The following NTMT1 variants were observed in gnomAD, a reference collection of about 807,000 sequenced individuals.
NTMT1 encodes N-terminal RCC1 methyltransferase.
A neutral mutation model predicts 17.5 loss-of-function variants in NTMT1; 8 were observed. That is an observed-to-expected ratio of 0.46 (90% CI 0.27 to 0.82). The LOEUF (loss-of-function observed/expected upper bound fraction) is 0.82, where lower values mean the gene tolerates loss of function less well. Among genes scored for constraint, NTMT1 ranks in the 40% least tolerant of loss-of-function variants. The pLI, the probability that NTMT1 is intolerant of heterozygous loss-of-function variation, is 0.15. For missense variants in NTMT1, 221 were observed against 303.5 expected, an observed-to-expected ratio of 0.73 and a Z score of 2.02; for synonymous variants, 128 against 126.8, an observed-to-expected ratio of 1.01 and a Z score of -0.06.
Position 129,613,279 on chromosome 9 carries a change from C to T in NTMT1, c.-55+4101C>T. ...GGGGGAGACAGGACCCCATGAGCTTCCTGGACTCTGAGTCCCCGGCCCACC... is the reference window on the plus strand; with the variant it reads ...GGGGGAGACAGGACCCCATGAGCTTTCTGGACTCTGAGTCCCCGGCCCACC... On this transcript the variant is annotated intron_variant, in intron 1 of 3. Transcript: ENST00000372486. The surrounding 1 kb of genome is among the most constrained non-coding windows in gnomAD (Gnocchi z 6.2). The T allele has an allele frequency of 1.3e-6, 2 of 1,582,322 alleles. No homozygotes were observed. The highest frequency in any genetic ancestry group is 1.7e-6 in the Non-Finnish European group (2 of 1,162,274).
At position 129,613,555 on chromosome 9, in the gene NTMT1, A is replaced by G; in HGVS notation, c.-55+4377A>G. 1 of 1,614,170 alleles carries G rather than the reference A, an allele frequency of 6.2e-7. No homozygotes were observed. Among genetic ancestry groups the G allele is most frequent in the Non-Finnish European group, 8.5e-7 (1 of 1,180,016 alleles). On this transcript the variant is annotated intron_variant, in intron 1 of 3. Coordinates refer to the NTMT1 transcript ENST00000372486. The surrounding 1 kb of genome is among the most constrained non-coding windows in gnomAD (Gnocchi z 6.2). ...ACTCCCAAACACCCGCTCGGACGCC[A>G]CTGGCAGGGCGGCCTTCTGGTTCAC...
Position 129,635,431 on chromosome 9 carries a change from G to C in NTMT1, c.639G>C (p.Glu213Asp), listed in dbSNP as rs1473218664. Reference sequence around the variant, plus strand: ...AGAGGCAGGAGAACCTCCCCGATGAGATCTACCATGTCTATAGCTTTGCCC... The same window carrying C: ...AGAGGCAGGAGAACCTCCCCGATGACATCTACCATGTCTATAGCTTTGCCC... ...AEERQENLPD[E>D]IYHVYSFALR Residue 213 changes from glutamate to aspartate, a missense_variant, in exon 4 of 4, where the codon GAG becomes GAC. Physicochemically the swap from Glu to Asp is conservative, Grantham distance 45. Coordinates refer to ENST00000372483, the MANE Select transcript of NTMT1 (RefSeq NM_014064.4). 6.2e-7 allele frequency: 1 copy of C among 1,613,260 alleles called. No individual in the cohort carries two copies. Among genetic ancestry groups the C allele is most frequent in the Non-Finnish European group, 8.5e-7 (1 of 1,180,024 alleles).
rs755270471 is a variant in NTMT1, at chr9:129,632,840, G to A, written c.137G>A (p.Arg46Gln). Residue 46 changes from arginine to glutamine, a missense_variant, in exon 2 of 4, where the codon CGG becomes CAG. Physicochemically the swap from Arg to Gln is conservative, Grantham distance 43. Transcript: ENST00000372483. ...TCCAGCATCGACATCAACAGCTCCCGGAAGTTTCTGCAGAGGTTTTTGAGG... is the reference window on the plus strand; with the variant it reads ...TCCAGCATCGACATCAACAGCTCCCAGAAGTTTCTGCAGAGGTTTTTGAGG... ...HISSIDINSS[R>Q]KFLQRFLREG... 42 of 1,614,032 alleles carry A rather than the reference G, an allele frequency of 2.6e-5. No homozygotes were observed. The highest frequency in any genetic ancestry group is 2.2e-5 in the East Asian group (1 of 44,902).
At position 129,636,087 on chromosome 9, in the gene NTMT1, G is replaced by A. The variant is rs1831537674; in HGVS notation, c.*623G>A. ...GGCTGCTCCTTGGCAGGCATTTAAAGTAAAAAATAAAATGGGGCTGGGCGC... is the reference window on the plus strand; with the variant it reads ...GGCTGCTCCTTGGCAGGCATTTAAAATAAAAAATAAAATGGGGCTGGGCGC... On this transcript the variant is annotated 3_prime_UTR_variant, in exon 4 of 4. Transcript: ENST00000372483. 1 of 152,304 alleles carries A rather than the reference G, an allele frequency of 6.6e-6. No homozygotes were observed. The highest frequency in any genetic ancestry group is 1.5e-5 in the Non-Finnish European group (1 of 68,144). The allele number at this position is 152,304 out of a possible 1,614,324, so 9.4% of individuals were successfully genotyped here. A position where few individuals can be genotyped will look rare whatever the true frequency, so the allele number is the denominator to read the frequency against.
chr9:129,619,805 C>T (rs372977717), intron 1 of NTMT1: 1 of 1,614,084 alleles, frequency 6.2e-7, no homozygotes. Context: ...CTAATACACC[C>T]CTTTGATGTT....
intron 1 of NTMT1, chr9:129,619,634 C>T: frequency 4.3e-6 from 7 of 1,613,962 alleles, no homozygotes; most frequent in Non-Finnish European, 4.2e-6. Flanking sequence ...CGATGACTGG[C>T]CCCTTAAAGA....
Position 129,613,023 on chromosome 9 carries a change from T to C in NTMT1, c.-55+3845T>C. The C allele has an allele frequency of 6.4e-7, 1 of 1,567,208 alleles. No homozygotes were observed. The highest frequency in any genetic ancestry group is 8.7e-7 in the Non-Finnish European group (1 of 1,155,462). Reference sequence around the variant, plus strand: ...AGGGTCCACTCCCAGCCCCAGCCACTCCACCAAACAGGGCTGCTCCCGGAG... The same window carrying C: ...AGGGTCCACTCCCAGCCCCAGCCACCCCACCAAACAGGGCTGCTCCCGGAG... On this transcript the variant is annotated intron_variant, in intron 1 of 3. Transcript: ENST00000372486. This position sits in a 1 kb window ranked among gnomAD's most constrained non-coding sequence, Gnocchi z 6.2.
upstream of NTMT1, among the ~76,000 whole-genome samples, chr9:129,624,712 T>C (rs6478909): frequency 0.97 from 148,308 of 152,342 alleles, 72,215 homozygotes; most frequent in Middle Eastern, 0.99. Flanking sequence ...TCATTGCAAC[T>C]TCTGCCTCCT....
Position 129,629,376 on chromosome 9 carries a change from GGAA to G in NTMT1, c.-55+3088_-55+3090del, listed in dbSNP as rs528608639. 4.7e-3 allele frequency among the ~76,000 whole-genome samples: 482 copies of G among 102,734 alleles called. 1 individual carries two copies. The highest frequency in any genetic ancestry group is 0.017 in the African/African-American group (460 of 26,618). The allele number at this position is 102,734 out of a possible 152,430, so 67.4% of individuals were successfully genotyped here. A position where few individuals can be genotyped will look rare whatever the true frequency, so the allele number is the denominator to read the frequency against. ...GTCTTGAGGATTGGCAGGTCTGGTG[GGAA>G]GAAGAATTCATTCTTCTTCTTCTTT... On this transcript the variant is annotated intron_variant, in intron 1 of 3. Transcript: ENST00000372483.
chr9:129,633,869 T>C (rs1232540784), intron 2 of NTMT1, among the ~76,000 whole-genome samples, 185 bp from the exon 3 acceptor site: 1 of 152,134 alleles, frequency 6.6e-6, no homozygotes, highest in Non-Finnish European at 1.5e-5. Context: ...CCCAGCAGTG[T>C]GTCCTCCCAT....
At chr9:129,625,478 G>A (rs1830858110), upstream of NTMT1, among the ~76,000 whole-genome samples, 1 of 152,124 alleles carries the variant, frequency 6.6e-6, no homozygotes, top group South Asian at 2.1e-4. Flanking sequence ...ACGAACTGTT[G>A]TACGTGCTGG....
At chr9:129,632,611 G>C in intron 1 of NTMT1, 39 bp from the exon 2 acceptor site, 1 of 1,505,146 alleles carries the variant, frequency 6.6e-7, no homozygotes. Context: ...TTTCTGCCAG[G>C]TCCCTGGCCC....
Position 129,611,792 on chromosome 9 carries a change from G to T in NTMT1, c.-55+2614G>T, listed in dbSNP as rs117337486. On this transcript the variant is annotated intron_variant, in intron 1 of 3. Coordinates refer to the NTMT1 transcript ENST00000372486. ...TTTTGAGACAAGGTCTTACTCTCTC[G>T]CCCAGGCTGGAGTGCAGTGGCGGGA... Among the ~76,000 whole-genome samples, 583 of 152,090 alleles carry T rather than the reference G, an allele frequency of 3.8e-3. 18 individuals are homozygous for T. The East Asian group carries it at 0.064, about 17-fold the overall frequency.
chr9:129,621,629 A>G (rs549806473), upstream of NTMT1, among the ~76,000 whole-genome samples: 2 of 152,298 alleles, frequency 1.3e-5, no homozygotes, highest in African/African-American at 2.4e-5. Flanking sequence ...TGGCCTCCCA[A>G]AGTGCTGGGA....
intron 1 of NTMT1, among the ~76,000 whole-genome samples, chr9:129,616,109 A>G (rs1830364540): frequency 1.3e-5 from 2 of 152,166 alleles, no homozygotes; most frequent in Non-Finnish European, 2.9e-5. Context: ...AATGGGAATC[A>G]TTGTGCCCAC....
upstream of NTMT1, among the ~76,000 whole-genome samples, chr9:129,623,169 T>C (rs1830789136): frequency 2.0e-5 from 3 of 151,806 alleles, no homozygotes; most frequent in South Asian, 2.1e-4. Context: ...CTGTCTCTAC[T>C]AAAAATACAA....
chr9:129,627,653 C>CA (rs1471194985), intron 1 of NTMT1, among the ~76,000 whole-genome samples: 3 of 152,188 alleles, frequency 2.0e-5, no homozygotes, highest in Non-Finnish European at 4.4e-5. Flanking sequence ...CATCTGGCTC[C>CA]ATCAGAGCCT....
intron 1 of NTMT1, among the ~76,000 whole-genome samples, chr9:129,615,994 G>A (rs139691427): frequency 2.2e-4 from 34 of 152,274 alleles, no homozygotes; most frequent in African/African-American, 7.2e-4. Flanking sequence ...TGGCGCCCTC[G>A]CACGTAAAGC....
At chr9:129,611,740 G>A (rs958655231) in intron 1 of NTMT1, among the ~76,000 whole-genome samples, 4 of 151,902 alleles carry the variant, frequency 2.6e-5, no homozygotes, top group Non-Finnish European at 5.9e-5. Context: ...TTTGGGTTTC[G>A]TTGTTGTTGT....
Sources: allele counts gnomAD v4.1 joint callset (sites outside exome capture counted in the v4.1 genomes callset), GRCh38; gene constraint gnomAD v4.1.1; non-coding constraint Gnocchi (gnomAD v3.1); transcripts MANE v1.5; gene names NCBI Gene and HGNC (gene_info 2026-07-23, HGNC 2026-07-21).